Variants in SUCO observed in about 807,000 individuals in gnomAD.
The protein encoded by SUCO is SUN domain containing ossification factor.
In SUCO, 57 loss-of-function variants were observed where a neutral mutation model predicts 148.1. That is an observed-to-expected ratio of 0.38 (90% CI 0.31 to 0.48). The LOEUF (loss-of-function observed/expected upper bound fraction) is 0.48, where lower values mean the gene tolerates loss of function less well. SUCO is among the 20% of genes least tolerant of loss of function. SUCO has a pLI of 0.96. For missense variants in SUCO, 1,331 were observed against 1,468.2 expected (o/e 0.91, Z 1.53); for synonymous variants, 470 against 502.7 (o/e 0.93, Z 0.87).
At chr1:172,532,368 A>G (rs1272363777), upstream of SUCO, 7 of 872,022 alleles carry the variant, frequency 8.0e-6, no homozygotes, top group Non-Finnish European at 1.2e-5. Context: ...CGAAACCAAC[A>G]GAACGAAAAG....
intron 19 of SUCO, among the ~76,000 whole-genome samples, chr1:172,598,576 T>C (rs1045282612): frequency 1.1e-4 from 16 of 152,360 alleles, no homozygotes; most frequent in Admixed American, 9.8e-4. Context: ...CAGTGTGTTA[T>C]TTAGCTTTCA....
chr1:172,548,790 G>C (rs1653059926), intron 1 of SUCO, among the ~76,000 whole-genome samples: 1 of 152,004 alleles, frequency 6.6e-6, no homozygotes, highest in Non-Finnish European at 1.5e-5. Flanking sequence ...ATCGGTATTT[G>C]GGAAATGTTC....
chr1:172,564,077 G>A (rs564275978), intron 6 of SUCO, among the ~76,000 whole-genome samples: 44 of 152,372 alleles, frequency 2.9e-4, no homozygotes, highest in African/African-American at 1.1e-3. Flanking sequence ...TGAGGTTTGG[G>A]AACTTCTGCC....
chr1:172,540,457 T>G (rs1204383202), intron 1 of SUCO, among the ~76,000 whole-genome samples: 3 of 152,262 alleles, frequency 2.0e-5, no homozygotes, highest in Non-Finnish European at 2.9e-5. Flanking sequence ...TTTGTGATAC[T>G]CTTTTATGCA....
chr1:172,572,310 T>C (rs905890848), intron 9 of SUCO, among the ~76,000 whole-genome samples: 2 of 151,610 alleles, frequency 1.3e-5, no homozygotes, highest in South Asian at 2.1e-4. Flanking sequence ...CATGTCTGTG[T>C]GGAAAGAGGT....
chr1:172,544,154 A>G, intron 1 of SUCO: 2 of 980,306 alleles, frequency 2.0e-6, no homozygotes, highest in African/African-American at 1.7e-5. Context: ...ATACTGCGCT[A>G]ATTGAGTGGC....
chr1:172,585,046 T>A lies in SUCO; in HGVS notation c.1527T>A (p.Ala509=). The change falls in exon 16 of 24, where the codon GCT becomes GCA. Residue 509 remains alanine, a synonymous_variant. Transcript: ENST00000263688. The part of the protein sequence containing the change: ...TNAILNMVNI[A]ANILGAKTED... The stretch of plus-strand genomic sequence containing the variant: ...CCATTCTAAATATGGTGAATATTGC[T>A]GCTAATATTCTGGGAGCAAAAACTG... 6.2e-7 allele frequency: 1 copy of A among 1,605,350 alleles called. No individual in the cohort carries two copies. Among genetic ancestry groups the A allele is most frequent in the Non-Finnish European group, 8.5e-7 (1 of 1,175,276 alleles).
At chr1:172,575,645 CTA>C in intron 11 of SUCO, 22 bp downstream of exon 11, 1 of 1,471,294 alleles carries the variant, frequency 6.8e-7, no homozygotes, top group Non-Finnish European at 9.5e-7. Context: ...ACATACAGGA[CTA>C]TGTTCTATAA....
At chr1:172,585,223 A>G (rs1656155751) in intron 16 of SUCO, 137 bp downstream of exon 16, 3 of 808,154 alleles carry the variant, frequency 3.7e-6, no homozygotes, top group South Asian at 2.9e-5. Context: ...GAACTTACCA[A>G]TCTTTATTAT....
intron 11 of SUCO, chr1:172,576,796 T>C (rs2149251051): frequency 1.7e-6 from 1 of 600,558 alleles, no homozygotes; most frequent in East Asian, 1.4e-4. Context: ...GAATTGAGTC[T>C]AAAGGCAAGA....
intron 6 of SUCO, among the ~76,000 whole-genome samples, chr1:172,560,756 A>T (rs1200209680): frequency 2.0e-5 from 3 of 152,240 alleles, no homozygotes; most frequent in Admixed American, 6.5e-5. Context: ...AAAAGAGAAG[A>T]TGTTGACTTT....
At chr1:172,609,442 C>T in intron 23 of SUCO, 1 of 914,414 alleles carries the variant, frequency 1.1e-6, no homozygotes, top group Non-Finnish European at 1.3e-6. Flanking sequence ...ACATCTGAAC[C>T]TTGCTTTTCT....
intron 1 of SUCO, among the ~76,000 whole-genome samples, chr1:172,534,913 A>T (rs781062263): frequency 4.6e-5 from 7 of 152,228 alleles, no homozygotes; most frequent in Non-Finnish European, 1.0e-4. Context: ...AATAAGGAAA[A>T]GGTGAACACT....
At chr1:172,553,772 A>G (rs972984304) in intron 3 of SUCO, among the ~76,000 whole-genome samples, 12 of 152,156 alleles carry the variant, frequency 7.9e-5, no homozygotes, top group African/African-American at 2.7e-4. Flanking sequence ...TATTGTGGGT[A>G]TGAATAGATA....
intron 23 of SUCO, 125 bp from the exon 24 acceptor site, chr1:172,609,691 T>G (rs1658086285): frequency 6.8e-7 from 1 of 1,464,186 alleles, no homozygotes; most frequent in East Asian, 2.5e-5. Context: ...TGTTCTGTGC[T>G]GTTTATAATA....
At chr1:172,586,402 TCCATTTCTCTGAATCATGTAGGCCTTTCC>T (rs1248925802) in intron 17 of SUCO, among the ~76,000 whole-genome samples, 1 of 152,182 alleles carries the variant, frequency 6.6e-6, no homozygotes, top group East Asian at 1.9e-4. Flanking sequence ...TCTTAACTGT[TCCATTTCTCTGAATCATGTAGGCCTTTCC>T]CCAGGTTGCA....
intron 9 of SUCO, among the ~76,000 whole-genome samples, chr1:172,572,220 C>G (rs976815527): frequency 3.4e-5 from 5 of 149,094 alleles, no homozygotes; most frequent in South Asian, 2.2e-4. Context: ...TCATTGAGAA[C>G]GGACCATGAT....
intron 1 of SUCO, among the ~76,000 whole-genome samples, chr1:172,535,566 T>A (rs1651950023): frequency 6.6e-6 from 1 of 152,186 alleles, no homozygotes; most frequent in Non-Finnish European, 1.5e-5. Flanking sequence ...CAATCTGGTG[T>A]GGTATTTCTT....
At chr1:172,607,354 A>G (rs971258303) in intron 22 of SUCO, among the ~76,000 whole-genome samples, 1 of 151,588 alleles carries the variant, frequency 6.6e-6, no homozygotes, top group African/African-American at 2.4e-5. Flanking sequence ...CCAGGTGATG[A>G]TAATTTGGAC....
Sources: allele counts gnomAD v4.1 joint callset (sites outside exome capture counted in the v4.1 genomes callset), GRCh38; gene constraint gnomAD v4.1.1; transcripts MANE v1.5; gene names NCBI Gene and HGNC (gene_info 2026-07-23, HGNC 2026-07-21).